Variants in TP73 observed in about 807,000 individuals in gnomAD.
TP73 encodes the protein tumor protein p73, also known as p53-like transcription factor.
TP73 carries 25 observed loss-of-function variants against 62.5 expected under a neutral mutation model. That is an observed-to-expected ratio of 0.40 (90% CI 0.29 to 0.56). The LOEUF (loss-of-function observed/expected upper bound fraction) is 0.56, where lower values mean the gene tolerates loss of function less well. Ranked by LOEUF, TP73 falls within the 20% of genes least tolerant of loss-of-function variation. The pLI, the probability that TP73 is intolerant of heterozygous loss-of-function variation, is 0.46. For missense variants in TP73, 754 were observed against 913.3 expected (o/e 0.83, Z 2.25); for synonymous variants, 423 against 377.5 (o/e 1.12, Z -1.40).
intron 4 of TP73, among the ~76,000 whole-genome samples, chr1:3,718,815 T>A (rs1370563599): frequency 6.6e-6 from 1 of 152,052 alleles, no homozygotes; most frequent in Non-Finnish European, 1.5e-5. Context: ...GGAAGAAGCC[T>A]CGGGGGACTC....
At position 3,734,867 on chromosome 1, in the gene TP73, G is replaced by T. The variant is rs1410710472; in HGVS notation, c.*1788G>T. The stretch of plus-strand genomic sequence containing the variant: ...TCGGCTCTCAGGGGATCTGGCTGCA[G>T]CCAGGGCGAGGGCCTGGCCCTTCCT... On this transcript the variant is annotated 3_prime_UTR_variant, in exon 14 of 14. Coordinates refer to ENST00000378295, the MANE Select transcript of TP73 (RefSeq NM_005427.4). This position sits in a 1 kb window ranked among gnomAD's most constrained non-coding sequence, Gnocchi z 4.4. 1 of 152,300 alleles carries T rather than the reference G, an allele frequency of 6.6e-6. No individual in the cohort carries two copies. 9.4% of individuals were successfully genotyped at this position (152,300 alleles called of 1,614,324 possible). A position where few individuals can be genotyped will look rare whatever the true frequency, so the allele number is the denominator to read the frequency against.
intron 4 of TP73, 121 bp downstream of exon 4, chr1:3,707,912 C>A: frequency 6.9e-7 from 1 of 1,446,160 alleles, no homozygotes; most frequent in Admixed American, 2.2e-5. Context: ...GGGTTCCCAC[C>A]TGGCCCGGGC....
At position 3,733,261 on chromosome 1, in the gene TP73, G is replaced by A. The variant is rs552072476; in HGVS notation, c.*182G>A. The A allele has an allele frequency of 5.3e-5, 38 of 720,206 alleles. 1 individual carries two copies. The highest frequency in any genetic ancestry group is 3.5e-4 in the Middle Eastern group (1 of 2,882). The allele number at this position is 720,206 out of a possible 1,614,324, so 44.6% of individuals were successfully genotyped here. A position where few individuals can be genotyped will look rare whatever the true frequency, so the allele number is the denominator to read the frequency against. On this transcript the variant is annotated 3_prime_UTR_variant, in exon 14 of 14. Transcript: ENST00000378295. Reference sequence around the variant, plus strand: ...CAGGAAAGGCCCAGCCACCGAAGCCGCCTGTGGACAGCCTGAGTCACCTGC... The same window carrying A: ...CAGGAAAGGCCCAGCCACCGAAGCCACCTGTGGACAGCCTGAGTCACCTGC...
At chr1:3,671,647 C>T (rs1645243377) in intron 1 of TP73, among the ~76,000 whole-genome samples, 1 of 152,264 alleles carries the variant, frequency 6.6e-6, no homozygotes, top group South Asian at 2.1e-4. Context: ...CGGCCCTGGG[C>T]AGGCTGCTCG....
At chr1:3,655,846 TCTC>T (rs1291513039) in intron 1 of TP73, among the ~76,000 whole-genome samples, 1 of 152,172 alleles carries the variant, frequency 6.6e-6, no homozygotes, top group Admixed American at 6.5e-5. Context: ...CGAAAATCCT[TCTC>T]TGTGGGTCGT....
chr1:3,724,490 G>A (rs1641345860), intron 6 of TP73, among the ~76,000 whole-genome samples: 1 of 152,122 alleles, frequency 6.6e-6, no homozygotes, highest in Admixed American at 6.5e-5. Context: ...TCTAAGAGCA[G>A]CCCCTTATGT....
chr1:3,722,210 G>T lies in TP73; in HGVS notation c.616+3G>T. On this transcript the variant is annotated splice_donor_region_variant and intron_variant, in intron 5 of 13. Transcript: ENST00000378295. ...GCTCGGGAGGGACTTCAACGAAGGT[G>T]AGGGCCCCCAGCTCCTCTGCCCACG... The T allele has an allele frequency of 6.2e-7, 1 of 1,612,446 alleles. No homozygotes were observed. Among genetic ancestry groups the T allele is most frequent in the Non-Finnish European group, 8.5e-7 (1 of 1,179,752 alleles).
At chr1:3,673,348 A>G (rs1645287026) in intron 1 of TP73, among the ~76,000 whole-genome samples, 2 of 152,060 alleles carry the variant, frequency 1.3e-5, no homozygotes, top group Admixed American at 6.5e-5. Context: ...CCCGGGCCTC[A>G]TTGGTTCTTC....
intron 3 of TP73, among the ~76,000 whole-genome samples, chr1:3,686,745 A>T (rs1645666679): frequency 6.6e-6 from 1 of 152,144 alleles, no homozygotes; most frequent in Admixed American, 6.5e-5. Flanking sequence ...CAGCAGGCCG[A>T]GGTGGGTGTG....
intron 5 of TP73, among the ~76,000 whole-genome samples, chr1:3,722,831 G>A (rs115039692): frequency 0.015 from 2,186 of 147,006 alleles, 53 homozygotes; most frequent in African/African-American, 0.054. Flanking sequence ...GCATGGGGCC[G>A]GGCACCTCTC....
At chr1:3,690,703 T>C (rs1645793393) in intron 3 of TP73, 3 of 1,427,394 alleles carry the variant, frequency 2.1e-6, no homozygotes, top group African/African-American at 2.9e-5. Context: ...CTAAGGGAGA[T>C]GGGAAAAGCG....
Position 3,678,835 on chromosome 1 carries a change from C to T in TP73, c.-33-3498C>T, listed in dbSNP as rs1645436248. On this transcript the variant is annotated intron_variant, in intron 1 of 13. Transcript: ENST00000378295. The stretch of plus-strand genomic sequence containing the variant: ...AGGGGTGTCCTGGAAGATGCATCTG[C>T]CCAGGGCTTCCGGCTGGTCCACACG... Among the ~76,000 whole-genome samples, 3 of 152,230 alleles carry T rather than the reference C, an allele frequency of 2.0e-5. No individual in the cohort carries two copies. The South Asian group carries it at 6.2e-4, about 31-fold the overall frequency.
Position 3,728,104 on chromosome 1 carries a change from C to T in TP73, c.986-25C>T, listed in dbSNP as rs751060282. On this transcript the variant is annotated intron_variant, in intron 8 of 13. Transcript: ENST00000378295. ...CACCCTCTGGTCCTGCCTGCTCACC[C>T]CGCCTGCCCTGCCTGGCCTTCCAGC... is the stretch of plus-strand genomic sequence containing the variant. The T allele has an allele frequency of 8.1e-6, 13 of 1,597,406 alleles. No individual in the cohort carries two copies. The South Asian group carries it at 1.2e-4, about 15-fold the overall frequency.
rs185252146 is a variant in TP73 at position 3,701,662 on chromosome 1, G to A, written c.187-5887G>A. Among the ~76,000 whole-genome samples, 95 of 150,238 alleles carry A rather than the reference G, an allele frequency of 6.3e-4. No homozygotes were observed. In the Middle Eastern group the frequency reaches 0.014, roughly 22 times the overall value. On this transcript the variant is annotated intron_variant, in intron 3 of 13. Transcript: ENST00000378295. This position sits in a 1 kb window ranked among gnomAD's most constrained non-coding sequence, Gnocchi z 4.7. ...TGGGATTACAGGTGCCCACCACCAC[G>A]CCCAGCTAATTTTTTTTTGTAGTTT...
intron 4 of TP73, among the ~76,000 whole-genome samples, chr1:3,719,909 T>TGTGTGTGTGTGTGTGTTC (rs1640929898): frequency 1.3e-5 from 2 of 150,822 alleles, no homozygotes; most frequent in African/African-American, 4.9e-5. Flanking sequence ...TGTGTGTGTG[T>TGTGTGTGTGTGTGTGTTC]GTGTGTGTGT....
Position 3,723,221 on chromosome 1 carries a change from C to T in TP73, c.617-133C>T, listed in dbSNP as rs1193454073. 4.4e-6 allele frequency: 3 copies of T among 682,228 alleles called. No homozygotes were observed. In the African/African-American group the frequency reaches 5.5e-5, roughly 13 times the overall value. The allele number at this position is 682,228 out of a possible 1,614,324, so 42.3% of individuals were successfully genotyped here. On this transcript the variant is annotated intron_variant, in intron 5 of 13. Transcript: ENST00000378295. ...GCACTTCTTTGAACCTGGCACGGGG[C>T]TGGGTACCTCTCTGCACCTGACATG...
intron 6 of TP73, among the ~76,000 whole-genome samples, chr1:3,725,765 TG>T (rs1190882228): frequency 1.4e-3 from 12 of 8,634 alleles, no homozygotes; most frequent in African/African-American, 4.4e-3. Context: ...ATGGATGGGG[TG>T]GGGGGGTGGA....
intron 3 of TP73, among the ~76,000 whole-genome samples, chr1:3,702,856 G>A (rs1331396543): frequency 3.3e-5 from 5 of 152,238 alleles, no homozygotes; most frequent in African/African-American, 4.8e-5. Context: ...GGTTGTGCCC[G>A]GGTTCCTCCC....
intron 1 of TP73, among the ~76,000 whole-genome samples, chr1:3,676,094 G>T (rs544396664): frequency 1.3e-5 from 2 of 150,862 alleles, no homozygotes; most frequent in African/African-American, 2.4e-5. Context: ...AAGAGATAGG[G>T]AGAGGACAGA....
Sources: gnomAD v4.1 joint callset for allele counts (sites outside exome capture counted in the v4.1 genomes callset) on GRCh38, gnomAD v4.1.1 for gene constraint, Gnocchi (gnomAD v3.1) non-coding constraint, MANE v1.5 for transcripts, NCBI Gene and HGNC (gene_info 2026-07-23, HGNC 2026-07-21) for gene names.